Variants in MRPS10 observed in about 807,000 individuals in gnomAD.
The protein encoded by MRPS10 is mitochondrial ribosomal protein S10.
MRPS10 carries 23 observed loss-of-function variants against 27.5 expected under a neutral mutation model. That is an observed-to-expected ratio of 0.84 (90% CI 0.60 to 1.18). MRPS10 has a LOEUF of 1.18. MRPS10 is among the 50% of genes most tolerant of loss of function. The probability of loss-of-function intolerance (pLI) is 0.00; values close to 1 mark genes in which losing one functional copy is unlikely to be tolerated. For synonymous variants in MRPS10, 88 were observed against 84.2 expected (o/e 1.04, Z -0.25); for missense variants, 237 against 240.1 (o/e 0.99, Z 0.09).
Position 42,208,887 on chromosome 6 carries a change from G to A in MRPS10, c.493C>T (p.Pro165Ser). The change falls in exon 6 of 7, where the codon CCT becomes TCT. Residue 165 changes from proline to serine, a missense_variant. Pro to Ser is a moderately conservative substitution (Grantham distance 74). Around this residue, in one of 3 missense-constraint regions of MRPS10, gnomAD observed 62 missense variants for 68.2 expected, o/e 0.91. Transcript: ENST00000053468. ...GTTACTTCCATGGCAACCCCTTCAG[G>A]TAAGTTTCGCTGAATATATTCCAAG... ...VYLEYIQRNLPEGVAMEVTKT... is the reference protein window; with the variant it reads ...VYLEYIQRNLSEGVAMEVTKT... The A allele has an allele frequency of 6.2e-7, 1 of 1,611,130 alleles. No homozygotes were observed. The highest frequency in any genetic ancestry group is 8.5e-7 in the Non-Finnish European group (1 of 1,178,248).
At chr6:42,214,584 CA>C (rs34855351) in intron 1 of MRPS10, among the ~76,000 whole-genome samples, 82,841 of 150,920 alleles carry the variant, frequency 0.55, 24,481 homozygotes, top group East Asian at 0.83. Context: ...AAAACTTTTT[CA>C]AAAAAAACAA....
At chr6:42,212,158 T>C (rs1025648012) in intron 3 of MRPS10, among the ~76,000 whole-genome samples, 1 of 152,136 alleles carries the variant, frequency 6.6e-6, no homozygotes, top group African/African-American at 2.4e-5. Context: ...ACCCACAAAA[T>C]TACTAAAGGA....
rs767535033 is a variant in MRPS10 at position 42,208,302 on chromosome 6, T to G, written c.593A>C (p.Glu198Ala). 15 of 1,612,420 alleles carry G rather than the reference T, an allele frequency of 9.3e-6. No individual in the cohort carries two copies. Among genetic ancestry groups the G allele is most frequent in the Admixed American group, 3.3e-5 (2 of 59,952 alleles). ...CTCCCTGAGGCTTTATGACTTGCTT[T>G]CTTCTTTTTCTTCTGATAGTGTTTC... ...IWETLSEEKE[E>A]SKS Residue 198 changes from glutamate to alanine, a missense_variant, in exon 7 of 7, where the codon GAA (glutamate) becomes GCA (alanine). By Grantham distance (107) the Glu-to-Ala change is moderately radical. Transcript: ENST00000053468.
intron 1 of MRPS10, among the ~76,000 whole-genome samples, chr6:42,216,904 A>G (rs1417671642): frequency 6.6e-6 from 1 of 152,198 alleles, no homozygotes; most frequent in Non-Finnish European, 1.5e-5. Flanking sequence ...CGGGAAATCA[A>G]AACTATTTTC....
At chr6:42,217,322 T>C (rs140994902) in intron 1 of MRPS10, among the ~76,000 whole-genome samples, 1 of 152,316 alleles carries the variant, frequency 6.6e-6, no homozygotes, top group East Asian at 1.9e-4. Context: ...TGAAAAGTTT[T>C]TGCTCCTCCT....
At position 42,214,260 on chromosome 6, in the gene MRPS10, A is replaced by C. The variant is rs370200857; in HGVS notation, c.113+20T>G. ...AAGAACCTATTTTGTTCAATTTAGC[A>C]CATCCAATTGTATACTTACAGAAGC... On this transcript the variant is annotated intron_variant, in intron 2 of 6. Coordinates refer to ENST00000053468, the MANE Select transcript of MRPS10 (RefSeq NM_018141.4). The C allele has an allele frequency of 1.9e-6, 3 of 1,610,924 alleles. No individual in the cohort carries two copies. In the Admixed American group the frequency reaches 5.0e-5, roughly 27 times the overall value.
At chr6:42,209,180 T>A (rs1768699237) in intron 5 of MRPS10, among the ~76,000 whole-genome samples, 1 of 147,998 alleles carries the variant, frequency 6.8e-6, no homozygotes, top group African/African-American at 2.5e-5. Flanking sequence ...GTATTTTTAG[T>A]AGAGACGGGG....
rs1768991618 is a variant in MRPS10 at position 42,217,856 on chromosome 6, G to A, written c.-7C>T. 6.2e-7 allele frequency: 1 copy of A among 1,613,784 alleles called. No individual in the cohort carries two copies. The highest frequency in any genetic ancestry group is 8.5e-7 in the Non-Finnish European group (1 of 1,179,888). On this transcript the variant is annotated 5_prime_UTR_variant, in exon 1 of 7. Transcript: ENST00000053468. ...ACGCTGTCCGCGCCGCCATCTTGCC[G>A]GTCCCGACCTCTCAGGATTGCTTCC... is the stretch of plus-strand genomic sequence containing the variant.
In MRPS10 at chr6:42,217,793, A is replaced by G. The variant is rs756763483; in HGVS notation, c.48+9T>C. The G allele has an allele frequency of 2.5e-6, 4 of 1,613,992 alleles. No individual in the cohort carries two copies. The Admixed American group carries it at 6.7e-5, about 27-fold the overall frequency. On this transcript the variant is annotated intron_variant, in intron 1 of 6. Coordinates refer to ENST00000053468, the MANE Select transcript of MRPS10 (RefSeq NM_018141.4). ...TCAGCCCTCCTAGTCTCCCTAGCCA[A>G]TCCAGTACCTGCCAGAGGCGCCGGC...
At chr6:42,215,466 TC>T (rs1325102188) in intron 1 of MRPS10, among the ~76,000 whole-genome samples, 7 of 152,104 alleles carry the variant, frequency 4.6e-5, no homozygotes, top group Non-Finnish European at 1.0e-4. Flanking sequence ...AGACAAGGTC[TC>T]ACTCTGTTAT....
At chr6:42,212,015 T>A in intron 3 of MRPS10, 98 bp from the exon 4 acceptor site, 1 of 1,131,248 alleles carries the variant, frequency 8.8e-7, no homozygotes, top group Non-Finnish European at 1.3e-6. Context: ...CAGAGTTTAC[T>A]AATAAATGAG....
chr6:42,210,495 C>A lies in MRPS10; in HGVS notation c.425G>T (p.Cys142Phe). The A allele has an allele frequency of 1.4e-6, 2 of 1,451,022 alleles. No homozygotes were observed. The highest frequency in any genetic ancestry group is 2.4e-5 in the East Asian group (1 of 41,506). The allele number at this position is 1,451,022 out of a possible 1,614,324, so 89.9% of individuals were successfully genotyped here. A position where few individuals can be genotyped will look rare whatever the true frequency, so the allele number is the denominator to read the frequency against. The change falls in exon 5 of 7, where the codon TGT becomes TTT. Residue 142 changes from cysteine to phenylalanine, a missense_variant. By Grantham distance (205) the Cys-to-Phe change is radical. This residue lies in a region of MRPS10 where 62 missense variants were observed against 68.2 expected (regional missense o/e 0.91). Transcript: ENST00000053468. ...TTTCTCAAATACACTCACCTCTAAA[C>A]ATCTGTAAAGTGTTCTCATTTCATA... ...VQYEMRTLYR[C>F]LELEHLTGST...
chr6:42,211,635 C>G, intron 4 of MRPS10, 146 bp downstream of exon 4: 1 of 721,802 alleles, frequency 1.4e-6, no homozygotes, highest in Non-Finnish European at 2.1e-6. Flanking sequence ...GGTTGTGCCA[C>G]TGTACTCCAG....
At chr6:42,209,016 T>TTTG (rs1440093926) in intron 5 of MRPS10, 69 bp from the exon 6 acceptor site, 1 of 1,071,964 alleles carries the variant, frequency 9.3e-7, no homozygotes, top group African/African-American at 1.6e-5. Context: ...GTTTTTTTTT[T>TTTG]TGAGATGGAG....
rs1491258663 is a variant in MRPS10 at position 42,209,004 on chromosome 6, TTG to T, written c.433-59_433-58del. The stretch of plus-strand genomic sequence containing the variant: ...AAGCTGTTTGTTAAAGCACGGTTTT[TTG>T]TTTTTTTTTTTGAGATGGAGTCTCA... On this transcript the variant is annotated intron_variant, in intron 5 of 6. Coordinates refer to ENST00000053468, the MANE Select transcript of MRPS10 (RefSeq NM_018141.4). 1,162 of 1,151,666 alleles carry T rather than the reference TTG, an allele frequency of 1.0e-3. 35 individuals carry two copies. Among genetic ancestry groups the T allele is most frequent in the Middle Eastern group, 6.8e-3 (26 of 3,822 alleles). The allele number at this position is 1,151,666 out of a possible 1,614,324, so 71.3% of individuals were successfully genotyped here. A position where few individuals can be genotyped will look rare whatever the true frequency, so the allele number is the denominator to read the frequency against.
chr6:42,209,669 C>T (rs765498250), intron 5 of MRPS10, among the ~76,000 whole-genome samples: 59 of 138,908 alleles, frequency 4.2e-4, no homozygotes, highest in Non-Finnish European at 7.1e-4. Context: ...TGCTTGAACC[C>T]GGAAGGCAGA....
chr6:42,214,584 C>CA (rs34855351), intron 1 of MRPS10, among the ~76,000 whole-genome samples: 37 of 151,028 alleles, frequency 2.4e-4, no homozygotes, highest in African/African-American at 7.8e-4. Context: ...AAAACTTTTT[C>CA]AAAAAAAACA....
chr6:42,208,818 C>A, intron 6 of MRPS10, 40 bp downstream of exon 6: 2 of 1,322,272 alleles, frequency 1.5e-6, no homozygotes, highest in Non-Finnish European at 2.2e-6. Context: ...GATACCACTC[C>A]CCACCGCCCC....
chr6:42,216,381 A>AGTGTGTGTGTGTGT (rs1171760790), intron 1 of MRPS10, among the ~76,000 whole-genome samples: 16 of 31,984 alleles, frequency 5.0e-4, no homozygotes, highest in African/African-American at 9.4e-4. Context: ...AGAGAGAGAG[A>AGTGTGTGTGTGTGT]GAGAGTGTGT....
Sources: allele counts gnomAD v4.1 joint callset (sites outside exome capture counted in the v4.1 genomes callset), GRCh38; gene constraint gnomAD v4.1.1; regional missense constraint gnomAD v4.1.1; transcripts MANE v1.5; gene names NCBI Gene and HGNC (gene_info 2026-07-23, HGNC 2026-07-21).